HNRNPL: variants seen among roughly 807,000 people sequenced by gnomAD.
HNRNPL encodes the protein epididymis secretory sperm binding protein.
HNRNPL carries 12 observed loss-of-function variants against 64.0 expected under a neutral mutation model. That is an observed-to-expected ratio of 0.19 (90% CI 0.12 to 0.30). The LOEUF (loss-of-function observed/expected upper bound fraction) is 0.30. HNRNPL is among the 10% of genes least tolerant of loss of function. HNRNPL has a pLI of 1.00. For synonymous variants in HNRNPL, 385 were observed against 313.0 expected (o/e 1.23, Z -2.43); for missense variants, 484 against 797.4 (o/e 0.61, Z 4.73).
chr19:38,849,843 C>T lies in HNRNPL; in HGVS notation c.124G>A (p.Gly42Ser). The T allele has an allele frequency of 1.6e-6, 2 of 1,230,450 alleles. No homozygotes were observed. The highest frequency in any genetic ancestry group is 2.3e-6 in the Non-Finnish European group (2 of 881,292). The allele number at this position is 1,230,450 out of a possible 1,614,324, so 76.2% of individuals were successfully genotyped here. A position where few individuals can be genotyped will look rare whatever the true frequency, so the allele number is the denominator to read the frequency against. Residue 42 changes from glycine (G) to serine (S), a missense_variant, in exon 1 of 13, where the codon GGC becomes AGC. Around this residue, in one of 9 missense-constraint regions of HNRNPL, gnomAD observed 190 missense variants for 160.1 expected, o/e 1.19. Transcript: ENST00000221419. ...MVKMAAAGGG[G>S]GGGRYYGGGS... ...CCGCCGTAGTAGCGGCCACCGCCGC[C>T]TCCGCCGCCCGCCGCCGCCATCTTC... is the stretch of plus-strand genomic sequence containing the variant.
chr19:38,848,768 A>T (rs1285363359), intron 1 of HNRNPL, among the ~76,000 whole-genome samples: 2 of 152,156 alleles, frequency 1.3e-5, no homozygotes, highest in Non-Finnish European at 2.9e-5. Context: ...TCCTTTGTAA[A>T]TCGGGAATCC....
Position 38,843,005 on chromosome 19 carries a change from G to C in HNRNPL, c.880+837C>G, listed in dbSNP as rs1012154332. On this transcript the variant is annotated intron_variant, in intron 6 of 12. Transcript: ENST00000221419. Reference sequence around the variant, plus strand: ...GGCCCACTGTGAGGATCCTGGGGAAGAGTCTAGCCCACCCTGCCCACTGCT... The same window carrying C: ...GGCCCACTGTGAGGATCCTGGGGAACAGTCTAGCCCACCCTGCCCACTGCT... Among the ~76,000 whole-genome samples, 19 of 152,276 alleles carry C rather than the reference G, an allele frequency of 1.2e-4. No individual in the cohort carries two copies. The East Asian group carries it at 3.3e-3, about 26-fold the overall frequency.
chr19:38,841,772 T>G lies in HNRNPL; in HGVS notation c.881-1213A>C, dbSNP rs146622892. On this transcript the variant is annotated intron_variant, in intron 6 of 12. Coordinates refer to ENST00000221419, the MANE Select transcript of HNRNPL (RefSeq NM_001533.3). ...AAGAATTGTTTTAAAAGTCAATATTTTGATTAAATCAAAAATGGCTCACAG... is the reference window on the plus strand; with the variant it reads ...AAGAATTGTTTTAAAAGTCAATATTGTGATTAAATCAAAAATGGCTCACAG... The G allele has an allele frequency of 6.1e-4, 327 of 532,328 alleles. 1 individual carries two copies. Among genetic ancestry groups the G allele is most frequent in the African/African-American group, 5.7e-3 (291 of 51,016 alleles). The allele number at this position is 532,328 out of a possible 1,614,324, so 33.0% of individuals were successfully genotyped here. A position where few individuals can be genotyped will look rare whatever the true frequency, so the allele number is the denominator to read the frequency against.
At chr19:38,844,356 G>A (rs1178567872) in intron 4 of HNRNPL, among the ~76,000 whole-genome samples, 21 of 152,142 alleles carry the variant, frequency 1.4e-4, no homozygotes, top group Admixed American at 1.3e-3. Flanking sequence ...ATGGCCACCA[G>A]CAACCTCTTC....
At chr19:38,843,151 C>T (rs763759559) in intron 6 of HNRNPL, among the ~76,000 whole-genome samples, 8 of 152,134 alleles carry the variant, frequency 5.3e-5, no homozygotes, top group Non-Finnish European at 8.8e-5. Flanking sequence ...TCCGACGTAT[C>T]AGACCAAGAC....
At chr19:38,844,250 C>T (rs896723450) in intron 4 of HNRNPL, 146 bp from the exon 5 acceptor site, 1 of 631,618 alleles carries the variant, frequency 1.6e-6, no homozygotes, top group East Asian at 2.7e-5. Flanking sequence ...AGCCACTAGC[C>T]TCAGGTTAAG....
Position 38,840,274 on chromosome 19 carries a change from T to C in HNRNPL, c.1055A>G (p.His352Arg). The C allele has an allele frequency of 6.3e-7, 1 of 1,578,606 alleles. No homozygotes were observed. Among genetic ancestry groups the C allele is most frequent in the Non-Finnish European group, 8.6e-7 (1 of 1,162,656 alleles). ...GCCGTAGCGACTTGGGCCCCGACGGTGACCCCCCACTGGTGGACCCATCCT... is the reference window on the plus strand; with the variant it reads ...GCCGTAGCGACTTGGGCCCCGACGGCGACCCCCCACTGGTGGACCCATCCT... ...GRRMGPPVGG[H>R]RRGPSRYGPQ... Residue 352 changes from histidine (H) to arginine (R), a missense_variant, in exon 8 of 13, where the codon CAC becomes CGC. Transcript: ENST00000221419.
At chr19:38,850,127 C>A, upstream of HNRNPL, 1 of 530,728 alleles carries the variant, frequency 1.9e-6, no homozygotes, top group Non-Finnish European at 3.2e-6. Context: ...CGCCGTTCTG[C>A]AGGAGGGCCC....
intron 1 of HNRNPL, 40 bp downstream of exon 1, chr19:38,849,660 C>T (rs776492814): frequency 1.5e-6 from 2 of 1,304,846 alleles, no homozygotes; most frequent in Non-Finnish European, 9.7e-7. Flanking sequence ...AATTGTCCCC[C>T]AGTTCCCGGC....
intron 1 of HNRNPL, among the ~76,000 whole-genome samples, chr19:38,848,351 C>T (rs1355047140): frequency 6.6e-6 from 1 of 152,158 alleles, no homozygotes; most frequent in Non-Finnish European, 1.5e-5. Context: ...CCTCAGCCTC[C>T]CAAAGTGCTG....
At chr19:38,841,448 G>A (rs1251176491) in intron 6 of HNRNPL, 1 of 392,480 alleles carries the variant, frequency 2.5e-6, no homozygotes, top group Non-Finnish European at 5.1e-6. Context: ...TTTGAACCCA[G>A]GTCTGGCTGA....
intron 9 of HNRNPL, 103 bp downstream of exon 9, chr19:38,838,791 T>G: frequency 2.0e-6 from 3 of 1,483,678 alleles, no homozygotes; most frequent in Non-Finnish European, 2.8e-6. Flanking sequence ...CCCATTTCTG[T>G]GTGAGTCAAC....
upstream of HNRNPL, among the ~76,000 whole-genome samples, chr19:38,851,359 G>T (rs765389844): frequency 1.3e-5 from 2 of 152,256 alleles, no homozygotes; most frequent in East Asian, 1.9e-4. Flanking sequence ...CGCAGGCAGC[G>T]GGGTCAAACG....
intron 6 of HNRNPL, chr19:38,841,140 T>C: frequency 4.6e-6 from 1 of 219,452 alleles, no homozygotes; most frequent in South Asian, 6.0e-5. Flanking sequence ...CAGAATCAGT[T>C]CAAATAAGCA....
intron 9 of HNRNPL, 125 bp downstream of exon 9, chr19:38,838,769 C>T: frequency 2.1e-6 from 3 of 1,403,108 alleles, no homozygotes; most frequent in African/African-American, 1.4e-5. Context: ...TCTGGGAACA[C>T]ACCTGCCACA....
Position 38,849,030 on chromosome 19 carries a change from G to A in HNRNPL, c.267+670C>T, listed in dbSNP as rs374426210. Among the ~76,000 whole-genome samples, 6 of 152,276 alleles carry A rather than the reference G, an allele frequency of 3.9e-5. No individual in the cohort carries two copies. The East Asian group carries it at 1.2e-3, about 29-fold the overall frequency. On this transcript the variant is annotated intron_variant, in intron 1 of 12. Coordinates refer to ENST00000221419, the MANE Select transcript of HNRNPL (RefSeq NM_001533.3). ...GTCGAAATGCTTCCAACATGGCCAG[G>A]AAATAGTTTGGTTTATCAAATCCTC...
chr19:38,847,415 T>C lies in HNRNPL; in HGVS notation c.287A>G (p.His96Arg). The change falls in exon 2 of 13, where the codon CAC (histidine) becomes CGC (arginine). Residue 96 changes from histidine (H) to arginine (R), a missense_variant. His to Arg is a conservative substitution (Grantham distance 29, BLOSUM62 0). Coordinates refer to ENST00000221419, the MANE Select transcript of HNRNPL (RefSeq NM_001533.3). The part of the protein sequence containing the change: ...GGGGENYDDP[H>R]KTPASPVVHI... ...GACAACTGGGGAGGCAGGGGTTTTG[T>C]GCGGGTCATCGTAGTTCTCCTGAGA... is the stretch of plus-strand genomic sequence containing the variant. 1 of 1,540,420 alleles carries C rather than the reference T, an allele frequency of 6.5e-7. No individual in the cohort carries two copies. Among genetic ancestry groups the C allele is most frequent in the Non-Finnish European group, 8.7e-7 (1 of 1,144,194 alleles).
At chr19:38,849,429 C>T (rs1367337884) in intron 1 of HNRNPL, 1 of 388,026 alleles carries the variant, frequency 2.6e-6, no homozygotes, top group Non-Finnish European at 4.5e-6. Context: ...CCCCACACGC[C>T]AGCCCGCGGC....
chr19:38,851,393 T>G (rs1972500711), upstream of HNRNPL, among the ~76,000 whole-genome samples: 1 of 152,198 alleles, frequency 6.6e-6, no homozygotes, highest in South Asian at 2.1e-4. Context: ...GATCCCGTCC[T>G]ACGGCATTTA....
Sources: gnomAD v4.1 joint callset for allele counts (sites outside exome capture counted in the v4.1 genomes callset) on GRCh38, gnomAD v4.1.1 for gene constraint, gnomAD v4.1.1 regional missense constraint, MANE v1.5 for transcripts, NCBI Gene and HGNC (gene_info 2026-07-23, HGNC 2026-07-21) for gene names.